Variants in RARB observed in about 807,000 individuals in gnomAD.
RARB encodes retinoic acid receptor beta, also known as HBV-activated protein.
RARB carries 17 observed loss-of-function variants against 51.9 expected under a neutral mutation model. The ratio of observed to expected loss-of-function variants is 0.33; its 90% CI spans 0.22 to 0.49. The LOEUF is 0.49. Among genes scored for constraint, RARB ranks in the 20% least tolerant of loss-of-function variants. RARB has a pLI of 0.99. For synonymous variants in RARB, 215 were observed against 195.4 expected (o/e 1.10, Z -0.84); for missense variants, 369 against 550.8 (o/e 0.67, Z 3.30).
chr3:25,169,740 C>T (rs1000549727), intron 4 of RARB, among the ~76,000 whole-genome samples: 1 of 152,146 alleles, frequency 6.6e-6, no homozygotes, highest in East Asian at 1.9e-4. Flanking sequence ...GTAATCCCAG[C>T]ACTTTGGGAT....
At chr3:25,171,702 T>C (rs1374053949) in intron 4 of RARB, among the ~76,000 whole-genome samples, 1 of 144,080 alleles carries the variant, frequency 6.9e-6, no homozygotes, top group Non-Finnish European at 1.5e-5. Flanking sequence ...GGGGTGGATT[T>C]GCTGAACTGT....
At position 24,904,801 on chromosome 3, in the gene RARB, G is replaced by A. The variant is rs1382531990; in HGVS notation, c.-380+46049G>A. On this transcript the variant is annotated intron_variant, in intron 2 of 11. Coordinates refer to the RARB transcript ENST00000383772. ...TGATAGGCTGGATAAAGGAAGTGTG[G>A]CACATATACACCATGGAATACTATG... Among the ~76,000 whole-genome samples the A allele has an allele frequency of 2.0e-5, 3 of 152,154 alleles. No homozygotes were observed. In the East Asian group the frequency reaches 5.8e-4, roughly 29 times the overall value.
chr3:24,917,774 C>A (rs1297424705), intron 2 of RARB, among the ~76,000 whole-genome samples: 2 of 152,182 alleles, frequency 1.3e-5, no homozygotes, highest in Admixed American at 6.5e-5. Flanking sequence ...TGATCTGCCT[C>A]CTTCGGCGTC....
chr3:25,477,638 A>G (rs1696021211), intron 2 of RARB, among the ~76,000 whole-genome samples: 1 of 152,214 alleles, frequency 6.6e-6, no homozygotes, highest in Admixed American at 6.5e-5. Flanking sequence ...TAAGTAAGAC[A>G]GAGAGTGGAA....
chr3:25,277,991 T>A (rs1703434122), intron 5 of RARB, among the ~76,000 whole-genome samples: 1 of 152,220 alleles, frequency 6.6e-6, no homozygotes, highest in African/African-American at 2.4e-5. Context: ...TTTCATTCGA[T>A]GTAATGTTTG....
intron 5 of RARB, 130 bp from the exon 6 acceptor site, chr3:25,593,373 A>C: frequency 1.2e-6 from 1 of 818,516 alleles, no homozygotes. Context: ...GAAGACATTC[A>C]ACATGTGAAA....
chr3:25,045,650 A>C (rs1293976548), intron 2 of RARB, among the ~76,000 whole-genome samples: 1 of 152,208 alleles, frequency 6.6e-6, no homozygotes, highest in African/African-American at 2.4e-5. Flanking sequence ...ATATTTTCTA[A>C]TGCCTCATGA....
In RARB at chr3:25,213,068, A is replaced by G. The variant is rs149870303; in HGVS notation, c.178+38493A>G. Among the ~76,000 whole-genome samples the G allele has an allele frequency of 6.1e-4, 93 of 152,222 alleles. 1 individual carries two copies. In the East Asian group the frequency reaches 0.014, roughly 24 times the overall value. On this transcript the variant is annotated intron_variant, in intron 5 of 11. Transcript: ENST00000383772. ...TTGCTTTTTTTTCCTTGCTCACAAC[A>G]GTATTTTTTTAACTGTTAAATGAAG...
intron 5 of RARB, among the ~76,000 whole-genome samples, chr3:25,202,328 C>T (rs1701415023): frequency 6.6e-6 from 1 of 151,796 alleles, no homozygotes; most frequent in East Asian, 1.9e-4. Flanking sequence ...TCTCTCTTTT[C>T]TTCTTTATTA....
chr3:25,185,892 T>C (rs75247886), intron 5 of RARB, among the ~76,000 whole-genome samples: 3,366 of 152,258 alleles, frequency 0.022, 115 homozygotes, highest in African/African-American at 0.077. Flanking sequence ...TAGAATTATA[T>C]ATAAATTGCT....
chr3:25,073,370 C>G (rs17015764), intron 3 of RARB, among the ~76,000 whole-genome samples: 27,186 of 152,120 alleles, frequency 0.18, 3,215 homozygotes, highest in African/African-American at 0.32. Flanking sequence ...CAGGTCATCA[C>G]TTGATAATCT....
At chr3:25,186,885 C>CTGTGTGTG (rs71057702) in intron 5 of RARB, among the ~76,000 whole-genome samples, 4,778 of 114,194 alleles carry the variant, frequency 0.042, 236 homozygotes, top group East Asian at 0.075. Context: ...AAAGGTAAGC[C>CTGTGTGTG]TGTGTGTGTG....
chr3:25,209,953 A>C (rs529177035), intron 5 of RARB, among the ~76,000 whole-genome samples: 1 of 152,324 alleles, frequency 6.6e-6, no homozygotes, highest in African/African-American at 2.4e-5. Flanking sequence ...CATTCTTAAT[A>C]AGATAACTTT....
At chr3:25,101,404 G>A (rs1032045969) in intron 3 of RARB, among the ~76,000 whole-genome samples, 1 of 152,176 alleles carries the variant, frequency 6.6e-6, no homozygotes, top group South Asian at 2.1e-4. Flanking sequence ...ATGAGTTTTT[G>A]TAAAAACGTG....
At chr3:25,291,394 G>A (rs1206594368) in intron 5 of RARB, among the ~76,000 whole-genome samples, 2 of 151,002 alleles carry the variant, frequency 1.3e-5, no homozygotes, top group African/African-American at 4.9e-5. Context: ...TTCAAGTGCT[G>A]TAAAAATGCT....
chr3:25,092,142 G>A (rs140662837), intron 3 of RARB, among the ~76,000 whole-genome samples: 1 of 152,134 alleles, frequency 6.6e-6, no homozygotes, highest in Non-Finnish European at 1.5e-5. Context: ...ATCTGCTGAC[G>A]AGGCACTTAG....
At chr3:25,115,000 T>A (rs528596942) in intron 3 of RARB, among the ~76,000 whole-genome samples, 3 of 152,216 alleles carry the variant, frequency 2.0e-5, no homozygotes, top group Non-Finnish European at 4.4e-5. Context: ...CTTTTAGTGC[T>A]CAAGGATGAT....
intron 1 of RARB, among the ~76,000 whole-genome samples, chr3:24,844,668 C>T (rs995388139): frequency 7.2e-5 from 11 of 152,150 alleles, no homozygotes; most frequent in Admixed American, 7.2e-4. Flanking sequence ...TCAAATATGG[C>T]ACTTCTTCAA....
chr3:25,360,684 C>G (rs922681510), intron 5 of RARB, among the ~76,000 whole-genome samples: 3 of 152,146 alleles, frequency 2.0e-5, no homozygotes, highest in Non-Finnish European at 4.4e-5. Flanking sequence ...GTGACAAAAT[C>G]CCTCAGCATT....
Sources: gnomAD v4.1 joint callset for allele counts (sites outside exome capture counted in the v4.1 genomes callset) on GRCh38, gnomAD v4.1.1 for gene constraint, MANE v1.5 for transcripts, NCBI Gene and HGNC (gene_info 2026-07-23, HGNC 2026-07-21) for gene names.